PRKN: variants seen among roughly 807,000 people sequenced by gnomAD.
PRKN encodes E3 ubiquitin-protein ligase parkin.
PRKN carries 56 observed loss-of-function variants against 59.5 expected under a neutral mutation model. The observed-to-expected ratio is 0.94, with a 90% CI of 0.76 to 1.18. The LOEUF (loss-of-function observed/expected upper bound fraction) is 1.18. PRKN is among the 50% of genes most tolerant of loss of function. PRKN has a pLI of 0.00. For synonymous variants in PRKN, 250 were observed against 222.1 expected, an observed-to-expected ratio of 1.13 and a Z score of -1.12; for missense variants, 657 against 596.4, an observed-to-expected ratio of 1.10 and a Z score of -1.06.
At chr6:162,276,066 T>C (rs1780623498) in intron 2 of PRKN, among the ~76,000 whole-genome samples, 1 of 152,176 alleles carries the variant, frequency 6.6e-6, no homozygotes, top group East Asian at 1.9e-4. Context: ...GAGATACTCA[T>C]TGCTAGTGGA....
chr6:162,272,354 C>A (rs1780432649), intron 2 of PRKN, among the ~76,000 whole-genome samples: 1 of 152,096 alleles, frequency 6.6e-6, no homozygotes, highest in African/African-American at 2.4e-5. Flanking sequence ...TCAAGTATCA[C>A]TTCTTTTTTC....
intron 6 of PRKN, among the ~76,000 whole-genome samples, chr6:161,800,796 G>A (rs1016145492): frequency 9.9e-5 from 15 of 152,202 alleles, no homozygotes; most frequent in African/African-American, 3.6e-4. Context: ...GAGTCAGAAA[G>A]GGGATTCAGG....
chr6:161,589,466 GA>G (rs1419093184), intron 7 of PRKN, among the ~76,000 whole-genome samples: 1 of 151,964 alleles, frequency 6.6e-6, no homozygotes, highest in Non-Finnish European at 1.5e-5. Flanking sequence ...AGTTTGAAAG[GA>G]AATACAGATT....
intron 3 of PRKN, among the ~76,000 whole-genome samples, chr6:162,215,981 A>G (rs1013854977): frequency 1.3e-5 from 2 of 151,954 alleles, no homozygotes; most frequent in African/African-American, 4.8e-5. Context: ...CCCGGGAGGC[A>G]GAGGTAGCAG....
At chr6:161,701,911 G>C (rs942322951) in intron 7 of PRKN, among the ~76,000 whole-genome samples, 4 of 152,134 alleles carry the variant, frequency 2.6e-5, no homozygotes, top group Non-Finnish European at 4.4e-5. Flanking sequence ...AACTTCATGT[G>C]GTCGCCAGTG....
rs1228303854 is a variant in PRKN at position 161,874,269 on chromosome 6, TATAA to T, written c.735-88365_735-88362del. Among the ~76,000 whole-genome samples the T allele has an allele frequency of 4.4e-3, 151 of 34,096 alleles. 38 individuals carry two copies. The highest frequency in any genetic ancestry group is 0.012 in the African/African-American group (110 of 9,042). The allele number at this position is 34,096 out of a possible 152,430, so 22.4% of individuals were successfully genotyped here. A position where few individuals can be genotyped will look rare whatever the true frequency, so the allele number is the denominator to read the frequency against. ...TATAATATATATTATATGTAAAATA[TATAA>T]TATATATTATATATTATATATTACA... On this transcript the variant is annotated intron_variant, in intron 6 of 11. Transcript: ENST00000366898.
chr6:161,951,263 T>A (rs1287436645), intron 6 of PRKN, among the ~76,000 whole-genome samples: 1 of 152,156 alleles, frequency 6.6e-6, no homozygotes, highest in Admixed American at 6.5e-5. Flanking sequence ...ATGCTAAAAA[T>A]AGATGTTTCT....
intron 1 of PRKN, among the ~76,000 whole-genome samples, chr6:162,470,173 G>A (rs1421392985): frequency 6.6e-6 from 1 of 152,120 alleles, no homozygotes; most frequent in Non-Finnish European, 1.5e-5. Flanking sequence ...TCAGACTCAG[G>A]ACTTAAACGC....
chr6:162,221,373 G>T (rs1239563337), intron 3 of PRKN, among the ~76,000 whole-genome samples: 2 of 152,198 alleles, frequency 1.3e-5, no homozygotes, highest in African/African-American at 4.8e-5. Flanking sequence ...TAACCTGGCT[G>T]ATGAATGAAA....
intron 9 of PRKN, among the ~76,000 whole-genome samples, chr6:161,422,598 C>T (rs1298350282): frequency 6.6e-6 from 1 of 152,128 alleles, no homozygotes; most frequent in Non-Finnish European, 1.5e-5. Context: ...GTTTATGCTT[C>T]ATTTTCTTGT....
intron 6 of PRKN, among the ~76,000 whole-genome samples, chr6:161,957,523 C>T (rs1269459469): frequency 1.3e-5 from 2 of 151,640 alleles, no homozygotes; most frequent in Non-Finnish European, 2.9e-5. Flanking sequence ...CTCCTGCGTT[C>T]AAGCGATCCT....
At chr6:161,507,734 C>T (rs533469490) in intron 9 of PRKN, among the ~76,000 whole-genome samples, 1 of 152,130 alleles carries the variant, frequency 6.6e-6, no homozygotes, top group Non-Finnish European at 1.5e-5. Flanking sequence ...AATTTAATCC[C>T]ATTTTAGGTG....
rs1024915277 is a variant in PRKN at position 161,948,283 on chromosome 6, G to A, written c.734+25019C>T. 2.6e-5 allele frequency among the ~76,000 whole-genome samples: 4 copies of A among 151,910 alleles called. No homozygotes were observed. The East Asian group carries it at 5.8e-4, about 22-fold the overall frequency. On this transcript the variant is annotated intron_variant, in intron 6 of 11. Coordinates refer to ENST00000366898, the MANE Select transcript of PRKN (RefSeq NM_004562.3). ...ATTACAGGCATGAGCCACCGCGCCC[G>A]GTTGAGATGCAATTTCTATAACAGC...
At chr6:162,547,487 G>A (rs1288179549) in intron 1 of PRKN, among the ~76,000 whole-genome samples, 1 of 152,164 alleles carries the variant, frequency 6.6e-6, no homozygotes, top group Non-Finnish European at 1.5e-5. Flanking sequence ...CCCGTCGATT[G>A]AAGTAGGCAG....
chr6:162,611,956 CG>C (rs1414621830), intron 1 of PRKN, among the ~76,000 whole-genome samples: 5 of 151,500 alleles, frequency 3.3e-5, no homozygotes, highest in African/African-American at 1.2e-4. Context: ...GAGGCCAAGG[CG>C]GGCGTATCAT....
intron 2 of PRKN, among the ~76,000 whole-genome samples, chr6:162,439,300 C>T (rs1268607463): frequency 2.6e-5 from 4 of 151,726 alleles, no homozygotes; most frequent in Non-Finnish European, 4.4e-5. Flanking sequence ...TCCTTCCTTT[C>T]TTCCTTTTCC....
chr6:162,538,669 A>G (rs2128199094), intron 1 of PRKN, among the ~76,000 whole-genome samples: 1 of 152,276 alleles, frequency 6.6e-6, no homozygotes, highest in Middle Eastern at 3.4e-3. Context: ...AAGTCAGCCT[A>G]TTTAACTTGA....
intron 3 of PRKN, among the ~76,000 whole-genome samples, chr6:162,249,960 A>T (rs1243171684): frequency 1.3e-5 from 2 of 152,102 alleles, no homozygotes; most frequent in Non-Finnish European, 2.9e-5. Flanking sequence ...ATCCTGGCCA[A>T]CAGGTCGAAA....
intron 1 of PRKN, among the ~76,000 whole-genome samples, chr6:162,511,452 T>C (rs572383377): frequency 3.2e-4 from 48 of 149,156 alleles, no homozygotes; most frequent in Admixed American, 2.9e-3. Context: ...CAAAAAAAAA[T>C]GTCTACAGTG....
Sources: gnomAD v4.1 joint callset for allele counts (sites outside exome capture counted in the v4.1 genomes callset) on GRCh38, gnomAD v4.1.1 for gene constraint, MANE v1.5 for transcripts, NCBI Gene and HGNC (gene_info 2026-07-23, HGNC 2026-07-21) for gene names.